PHTF2: variants seen among roughly 807,000 people sequenced by gnomAD.
The protein encoded by PHTF2 is protein PHTF2.
A neutral mutation model predicts 101.2 loss-of-function variants in PHTF2; 60 were observed. The observed-to-expected ratio is 0.59, with a 90% confidence interval of 0.48 to 0.73. The LOEUF is 0.73. Ranked by LOEUF, PHTF2 falls within the 30% of genes least tolerant of loss-of-function variation. PHTF2 has a pLI of 0.00. For missense variants in PHTF2, 747 were observed against 908.7 expected, an observed-to-expected ratio of 0.82 and a Z score of 2.29; for synonymous variants, 311 against 307.3, an observed-to-expected ratio of 1.01 and a Z score of -0.13.
intron 3 of PHTF2, among the ~76,000 whole-genome samples, chr7:77,874,922 G>A (rs1562900584): frequency 6.6e-6 from 1 of 152,122 alleles, no homozygotes; most frequent in Non-Finnish European, 1.5e-5. Context: ...TCAAAAATCA[G>A]GTGGTTATAA....
At chr7:77,801,540 C>G (rs1284992858) in intron 1 of PHTF2, among the ~76,000 whole-genome samples, 1 of 152,132 alleles carries the variant, frequency 6.6e-6, no homozygotes, top group Non-Finnish European at 1.5e-5. Context: ...GAGCCGAGAT[C>G]GCACCACTGC....
chr7:77,838,440 C>G (rs917769458), intron 1 of PHTF2, among the ~76,000 whole-genome samples: 1 of 152,078 alleles, frequency 6.6e-6, no homozygotes, highest in African/African-American at 2.4e-5. Flanking sequence ...TGAACAAAAA[C>G]TGATTGCATG....
chr7:77,870,415 T>C (rs2150712031), intron 3 of PHTF2, among the ~76,000 whole-genome samples: 1 of 152,272 alleles, frequency 6.6e-6, no homozygotes, highest in East Asian at 1.9e-4. Flanking sequence ...GTTCCAAAAC[T>C]GAAGAACTTG....
At chr7:77,817,457 C>T (rs999215046) in intron 1 of PHTF2, among the ~76,000 whole-genome samples, 1 of 152,194 alleles carries the variant, frequency 6.6e-6, no homozygotes, top group Non-Finnish European at 1.5e-5. Context: ...GAAGGGGAAG[C>T]AAACACATCC....
At chr7:77,947,837 C>CTTTTTTTTTTT (rs71082798) in intron 16 of PHTF2, among the ~76,000 whole-genome samples, 18,313 of 72,728 alleles carry the variant, frequency 0.25, 4,657 homozygotes, top group East Asian at 0.41. Context: ...TTTTTTCTTT[C>CTTTTTTTTTTT]TTTTTTTTTT....
chr7:77,955,152 T>G lies in PHTF2; in HGVS notation c.*274T>G, dbSNP rs189932781. The G allele has an allele frequency of 6.1e-4, 140 of 230,230 alleles. 1 individual carries two copies. Among genetic ancestry groups the G allele is most frequent in the African/African-American group, 3.0e-3 (134 of 44,344 alleles). The allele number at this position is 230,230 out of a possible 1,614,324, so 14.3% of individuals were successfully genotyped here. A position where few individuals can be genotyped will look rare whatever the true frequency, so the allele number is the denominator to read the frequency against. On this transcript the variant is annotated 3_prime_UTR_variant, in exon 20 of 20. Coordinates refer to ENST00000416283, the Ensembl canonical transcript of PHTF2. ...ATCCAGATACTTGAGATCCTGGTAATTGGTCATAAATAATTGGCAAAATAA... is the reference window on the plus strand; with the variant it reads ...ATCCAGATACTTGAGATCCTGGTAAGTGGTCATAAATAATTGGCAAAATAA...
chr7:77,941,497 AAAC>A (rs1805635828), intron 15 of PHTF2, among the ~76,000 whole-genome samples: 1 of 152,142 alleles, frequency 6.6e-6, no homozygotes, highest in Admixed American at 6.6e-5. Context: ...TTTATTCCGT[AAAC>A]ACTTATTTAT....
intron 1 of PHTF2, among the ~76,000 whole-genome samples, chr7:77,800,831 CA>C (rs1259138027): frequency 6.6e-5 from 10 of 152,118 alleles, no homozygotes; most frequent in African/African-American, 2.4e-4. Context: ...TATAGATGAG[CA>C]AACCAAGACT....
chr7:77,840,007 T>G (rs565260441), intron 1 of PHTF2: 24 of 355,908 alleles, frequency 6.7e-5, no homozygotes, highest in African/African-American at 5.0e-4. Context: ...GTGTTATTTA[T>G]TCATGCAAAT....
intron 3 of PHTF2, among the ~76,000 whole-genome samples, chr7:77,858,262 C>T (rs994139552): frequency 5.3e-5 from 8 of 152,270 alleles, no homozygotes; most frequent in Non-Finnish European, 1.0e-4. Flanking sequence ...CTTAATTTTC[C>T]TCCTACACAC....
rs1193389123 is a variant in PHTF2, at chr7:77,938,015, C to G, written c.1467+177C>G. ...TTTAAACAGTGATTTGTCACCAAAC[C>G]ACTCTCATCTTCTAGTGTTTTCACT... On this transcript the variant is annotated intron_variant, in intron 13 of 19. Coordinates refer to ENST00000416283, the Ensembl canonical transcript of PHTF2. The G allele has an allele frequency of 1.1e-5, 3 of 271,560 alleles. No individual in the cohort carries two copies. In the Admixed American group the frequency reaches 1.6e-4, roughly 14 times the overall value. 16.8% of individuals were successfully genotyped at this position (271,560 alleles called of 1,614,324 possible). A position where few individuals can be genotyped will look rare whatever the true frequency, so the allele number is the denominator to read the frequency against.
intron 10 of PHTF2, among the ~76,000 whole-genome samples, chr7:77,921,766 A>G (rs556478014): frequency 6.6e-6 from 1 of 152,286 alleles, no homozygotes; most frequent in African/African-American, 2.4e-5. Flanking sequence ...ATATCAATAA[A>G]ACGTATGCTC....
intron 16 of PHTF2, among the ~76,000 whole-genome samples, chr7:77,947,191 C>T (rs1417707597): frequency 6.6e-6 from 1 of 151,896 alleles, no homozygotes; most frequent in South Asian, 2.1e-4. Flanking sequence ...AAAAGATTCC[C>T]GAGAATAATT....
intron 3 of PHTF2, among the ~76,000 whole-genome samples, chr7:77,864,995 G>C (rs1274575151): frequency 6.6e-6 from 1 of 151,934 alleles, no homozygotes; most frequent in Non-Finnish European, 1.5e-5. Flanking sequence ...CTTAATAATA[G>C]GAGCTTATTT....
At chr7:77,877,404 A>G (rs561190393) in intron 3 of PHTF2, among the ~76,000 whole-genome samples, 17 of 152,206 alleles carry the variant, frequency 1.1e-4, no homozygotes, top group Non-Finnish European at 1.9e-4. Flanking sequence ...CGCCTGGCCA[A>G]TAATGATCTT....
intron 17 of PHTF2, 71 bp from the exon 17 acceptor site, chr7:77,951,546 G>A (rs979766647): frequency 1.5e-6 from 1 of 661,852 alleles, no homozygotes; most frequent in Non-Finnish European, 2.6e-6. Flanking sequence ...ATACTTGAGT[G>A]AATATCTTTC....
chr7:77,849,023 T>C (rs1263940832), intron 2 of PHTF2, among the ~76,000 whole-genome samples: 1 of 152,126 alleles, frequency 6.6e-6, no homozygotes, highest in African/African-American at 2.4e-5. Flanking sequence ...TTGTTGAAAA[T>C]GAGCTTACTG....
chr7:77,888,259 C>T lies in PHTF2; in HGVS notation c.148-5349C>T, dbSNP rs532149507. 1.1e-4 allele frequency among the ~76,000 whole-genome samples: 16 copies of T among 152,186 alleles called. No homozygotes were observed. In the South Asian group the frequency reaches 1.2e-3, roughly 12 times the overall value. ...CCTCCCAAGTAGCTGGGATTACAGG[C>T]GTGCGCCACCACGCCCAGCTAATTT... is the stretch of plus-strand genomic sequence containing the variant. On this transcript the variant is annotated intron_variant, in intron 3 of 19. Coordinates refer to ENST00000416283, the Ensembl canonical transcript of PHTF2.
chr7:77,843,282 CT>C (rs1796027461), intron 2 of PHTF2, among the ~76,000 whole-genome samples: 3 of 152,122 alleles, frequency 2.0e-5, no homozygotes, highest in Admixed American at 6.5e-5. Flanking sequence ...ATCTGTGTAA[CT>C]TTTTTTCCCC....
Sources: allele counts gnomAD v4.1 joint callset (sites outside exome capture counted in the v4.1 genomes callset), GRCh38; gene constraint gnomAD v4.1.1; transcripts MANE v1.5; gene names NCBI Gene and HGNC (gene_info 2026-07-23, HGNC 2026-07-21).